Variants in SULT1B1 observed in about 807,000 individuals in gnomAD.
SULT1B1 encodes sulfotransferase 1B1.
SULT1B1 carries 28 observed loss-of-function variants against 34.6 expected under a neutral mutation model. The ratio of observed to expected loss-of-function variants is 0.81; its 90% CI spans 0.60 to 1.11. The LOEUF is 1.11. Among genes scored for constraint, SULT1B1 ranks in the 50% least tolerant of loss-of-function variants. SULT1B1 has a pLI of 0.00. For missense variants in SULT1B1, 374 were observed against 352.2 expected (o/e 1.06, Z -0.50); for synonymous variants, 147 against 110.2 (o/e 1.33, Z -2.09).
chr4:69,757,174 T>G (rs920438241), intron 1 of SULT1B1, among the ~76,000 whole-genome samples: 9 of 152,234 alleles, frequency 5.9e-5, no homozygotes, highest in Non-Finnish European at 1.2e-4. Flanking sequence ...TCAACTTTAT[T>G]TATTTTACAA....
rs556634053 is a variant in SULT1B1 at position 69,733,430 on chromosome 4, A to T, written c.580T>A (p.Tyr194Asn). ...CATTTTACCTCTTTCATATCTTCAT[A>T]GTACAAAAAAAGTATTGGGTGTTCT... Reference protein sequence around the residue: ...KEEHPILFLYYEDMKENPKEE... With the variant: ...KEEHPILFLYNEDMKENPKEE... The change falls in exon 6 of 8, where the codon TAT becomes AAT. Residue 194 changes from tyrosine to asparagine, a missense_variant. Physicochemically the swap from Tyr to Asn is moderately radical, Grantham distance 143 (BLOSUM62 -2). Coordinates refer to ENST00000310613, the MANE Select transcript of SULT1B1 (RefSeq NM_014465.4). 1 of 1,605,588 alleles carries T rather than the reference A, an allele frequency of 6.2e-7. No individual in the cohort carries two copies. The highest frequency in any genetic ancestry group is 8.5e-7 in the Non-Finnish European group (1 of 1,176,324).
chr4:69,730,747 T>C, intron 6 of SULT1B1, 66 bp from the exon 7 acceptor site: 17 of 1,421,584 alleles, frequency 1.2e-5, no homozygotes, highest in Non-Finnish European at 1.6e-5. Flanking sequence ...TTATAAAACA[T>C]TTATAATCCG....
rs1717697719 is a variant in SULT1B1, at chr4:69,722,818, G to A, written c.*4270C>T. On this transcript the variant is annotated 3_prime_UTR_variant, in exon 8 of 8. Transcript: ENST00000310613. ...ACGATAAGCCATAGCTACCTCAGTTGTGGCTCAGAAAGTCTAACAGTATGT... is the reference window on the plus strand; with the variant it reads ...ACGATAAGCCATAGCTACCTCAGTTATGGCTCAGAAAGTCTAACAGTATGT... 2 of 152,078 alleles carry A rather than the reference G, an allele frequency of 1.3e-5. No homozygotes were observed. The highest frequency in any genetic ancestry group is 4.1e-4 in the South Asian group (2 of 4,830). 9.4% of individuals were successfully genotyped at this position (152,078 alleles called of 1,614,324 possible).
At chr4:69,735,352 G>C (rs929604170) in intron 4 of SULT1B1, among the ~76,000 whole-genome samples, 2 of 152,186 alleles carry the variant, frequency 1.3e-5, no homozygotes, top group African/African-American at 4.8e-5. Flanking sequence ...GCTCTCCCTG[G>C]TCAAAGGATT....
At chr4:69,730,725 C>G (rs767676186) in intron 6 of SULT1B1, 44 bp from the exon 7 acceptor site, 1 of 1,519,460 alleles carries the variant, frequency 6.6e-7, no homozygotes, top group East Asian at 2.3e-5. Flanking sequence ...GTAACTCACA[C>G]AATGTGAATA....
At chr4:69,748,189 A>C (rs527365199) in intron 4 of SULT1B1, among the ~76,000 whole-genome samples, 1 of 152,322 alleles carries the variant, frequency 6.6e-6, no homozygotes, top group South Asian at 2.1e-4. Context: ...GGTAGCAAAA[A>C]ATATATGTAA....
At chr4:69,729,704 TA>T (rs1170402820) in intron 7 of SULT1B1, among the ~76,000 whole-genome samples, 1 of 152,114 alleles carries the variant, frequency 6.6e-6, no homozygotes, top group Non-Finnish European at 1.5e-5. Flanking sequence ...TTAATATGCA[TA>T]ATACATTCCT....
rs4149414 is a variant in SULT1B1 at position 69,733,620 on chromosome 4, G to C, written c.503-113C>G. On this transcript the variant is annotated intron_variant, in intron 5 of 7. Transcript: ENST00000310613. ...TGAATTTAGTAACCAAAGGAAGTAA[G>C]AATATGAGGACAATCTTAAAAAGTA... 52 of 715,616 alleles carry C rather than the reference G, an allele frequency of 7.3e-5. No homozygotes were observed. The East Asian group carries it at 1.5e-3, about 21-fold the overall frequency. The allele number at this position is 715,616 out of a possible 1,614,324, so 44.3% of individuals were successfully genotyped here.
At chr4:69,747,443 G>A (rs1163529088) in intron 4 of SULT1B1, among the ~76,000 whole-genome samples, 2 of 152,246 alleles carry the variant, frequency 1.3e-5, no homozygotes, top group Non-Finnish European at 2.9e-5. Context: ...CACTAAGCCA[G>A]TGTGGCTATG....
chr4:69,744,961 T>C (rs1009803727), intron 4 of SULT1B1, among the ~76,000 whole-genome samples: 1 of 152,230 alleles, frequency 6.6e-6, no homozygotes, highest in Non-Finnish European at 1.5e-5. Context: ...AAGACTTTTT[T>C]AAAATTTTCT....
rs1717838854 is a variant in SULT1B1, at chr4:69,726,408, GC to G, written c.*679del. The G allele has an allele frequency of 6.6e-6, 1 of 151,918 alleles. No individual in the cohort carries two copies. Among genetic ancestry groups the G allele is most frequent in the Admixed American group, 6.6e-5 (1 of 15,212 alleles). 9.4% of individuals were successfully genotyped at this position (151,918 alleles called of 1,614,324 possible). On this transcript the variant is annotated 3_prime_UTR_variant, in exon 8 of 8. Transcript: ENST00000310613. ...GACTCCCCATAAGAAGTAGGTCACA[GC>G]CCTCAGGGCTGCTTTTCAGAACAGA... is the stretch of plus-strand genomic sequence containing the variant.
chr4:69,741,272 C>T (rs903211836), intron 4 of SULT1B1, among the ~76,000 whole-genome samples: 1 of 152,168 alleles, frequency 6.6e-6, no homozygotes, highest in Non-Finnish European at 1.5e-5. Context: ...CAGTACCATG[C>T]TGTGTTGGTT....
At chr4:69,740,097 T>C (rs777993940) in intron 4 of SULT1B1, among the ~76,000 whole-genome samples, 18 of 152,246 alleles carry the variant, frequency 1.2e-4, no homozygotes, top group Non-Finnish European at 2.5e-4. Flanking sequence ...TCCTGTCGTC[T>C]TCTGAGTCCT....
chr4:69,724,796 G>T lies in SULT1B1; in HGVS notation c.*2292C>A, dbSNP rs1717755478. On this transcript the variant is annotated 3_prime_UTR_variant, in exon 8 of 8. Coordinates refer to ENST00000310613, the MANE Select transcript of SULT1B1 (RefSeq NM_014465.4). Reference sequence around the variant, plus strand: ...AAGGATTCCCTATTTAATAAATGGTGCTGGGAAAACTGGCTAGCCATATGT... The same window carrying T: ...AAGGATTCCCTATTTAATAAATGGTTCTGGGAAAACTGGCTAGCCATATGT... The T allele has an allele frequency of 2.0e-5, 3 of 152,204 alleles. No individual in the cohort carries two copies. Among genetic ancestry groups the T allele is most frequent in the Admixed American group, 1.3e-4 (2 of 15,276 alleles). 9.4% of individuals were successfully genotyped at this position (152,204 alleles called of 1,614,324 possible). A position where few individuals can be genotyped will look rare whatever the true frequency, so the allele number is the denominator to read the frequency against.
In SULT1B1 at chr4:69,722,937, A is replaced by AAGC. The variant is rs1717701611; in HGVS notation, c.*4150_*4151insGCT. Reference sequence around the variant, plus strand: ...ACCATGGCTTGGCATATAACTTGGCACATGTGATATGATCTCAGGAAAAAG... The same window carrying AAGC: ...ACCATGGCTTGGCATATAACTTGGCAAGCCATGTGATATGATCTCAGGAAAAAG... On this transcript the variant is annotated 3_prime_UTR_variant, in exon 8 of 8. Transcript: ENST00000310613. 6.6e-6 allele frequency: 1 copy of AAGC among 151,862 alleles called. No individual in the cohort carries two copies. Among genetic ancestry groups the AAGC allele is most frequent in the South Asian group, 2.1e-4 (1 of 4,812 alleles). 9.4% of individuals were successfully genotyped at this position (151,862 alleles called of 1,614,324 possible). A position where few individuals can be genotyped will look rare whatever the true frequency, so the allele number is the denominator to read the frequency against.
chr4:69,749,770 T>C lies in SULT1B1; in HGVS notation c.326A>G (p.His109Arg), dbSNP rs57806190. The change falls in exon 4 of 8, where the codon CAT becomes CGT. Residue 109 changes from histidine (H) to arginine (R), a missense_variant. Transcript: ENST00000310613. ...KNPSPRIVKT[H>R]LPTDLLPKSF... is the part of the protein sequence containing the mutation. ...TTTAGGAAGAAGATCAGTCGGTAGATGTGTTTTCACAATCCGGGGTGATGG... is the reference window on the plus strand; with the variant it reads ...TTTAGGAAGAAGATCAGTCGGTAGACGTGTTTTCACAATCCGGGGTGATGG... 191 of 1,603,218 alleles carry C rather than the reference T, an allele frequency of 1.2e-4. No individual in the cohort carries two copies. Among genetic ancestry groups the C allele is most frequent in the Middle Eastern group, 4.9e-4 (3 of 6,068 alleles).
At chr4:69,728,046 T>C (rs1717905866) in intron 7 of SULT1B1, among the ~76,000 whole-genome samples, 1 of 152,014 alleles carries the variant, frequency 6.6e-6, no homozygotes, top group African/African-American at 2.4e-5. Flanking sequence ...TATGCTTTTT[T>C]CCCTAGTTGT....
chr4:69,757,985 G>A (rs749452799), intron 1 of SULT1B1, among the ~76,000 whole-genome samples: 2 of 152,112 alleles, frequency 1.3e-5, no homozygotes, highest in Non-Finnish European at 2.9e-5. Flanking sequence ...AGTGAATGGA[G>A]CATTTTAGGA....
chr4:69,734,141 T>C lies in SULT1B1; in HGVS notation c.499A>G (p.Lys167Glu). The change falls in exon 5 of 8, where the codon AAA (lysine) becomes GAA (glutamate). Residue 167 changes from lysine (K) to glutamate (E), a missense_variant. By Grantham distance (56) the Lys-to-Glu change is moderately conservative (BLOSUM62 1). Coordinates refer to ENST00000310613, the MANE Select transcript of SULT1B1 (RefSeq NM_014465.4). ...TTTTAAGATAAAGTCCACATACCTT[T>C]TCCAGTTAAGAATTTCTCCAGATAT... ...EEYLEKFLTGKVAYGSWFTHV... is the reference protein window; with the variant it reads ...EEYLEKFLTGEVAYGSWFTHV... 6.2e-7 allele frequency: 1 copy of C among 1,608,122 alleles called. No homozygotes were observed. Among genetic ancestry groups the C allele is most frequent in the East Asian group, 2.2e-5 (1 of 44,608 alleles).
Sources: gnomAD v4.1 joint callset for allele counts (sites outside exome capture counted in the v4.1 genomes callset) on GRCh38, gnomAD v4.1.1 for gene constraint, MANE v1.5 for transcripts, NCBI Gene and HGNC (gene_info 2026-07-23, HGNC 2026-07-21) for gene names.